Variants in MAPK8 observed in about 807,000 individuals in gnomAD.
MAPK8 encodes JUN N-terminal kinase.
Under a neutral mutation model 52.9 loss-of-function variants are expected in MAPK8, and 13 were observed. The observed-to-expected ratio is 0.25, with a 90% CI of 0.16 to 0.39. The LOEUF (loss-of-function observed/expected upper bound fraction) is 0.39, where lower values mean the gene tolerates loss of function less well. MAPK8 is among the 10% of genes least tolerant of loss of function. The pLI, the probability that MAPK8 is intolerant of heterozygous loss-of-function variation, is 1.00. For missense variants in MAPK8, 300 were observed against 519.2 expected (o/e 0.58, Z 4.10); for synonymous variants, 191 against 169.8 (o/e 1.12, Z -0.97).
intron 2 of MAPK8, among the ~76,000 whole-genome samples, chr10:48,404,457 C>G (rs191850265): frequency 3.9e-5 from 6 of 152,220 alleles, no homozygotes; most frequent in Admixed American, 6.5e-5. Flanking sequence ...CACCCAGCCT[C>G]GTATGCATTC....
At chr10:48,336,899 G>C (rs1844741981) in intron 1 of MAPK8, among the ~76,000 whole-genome samples, 1 of 152,074 alleles carries the variant, frequency 6.6e-6, no homozygotes, top group Non-Finnish European at 1.5e-5. Context: ...ATTATATAAT[G>C]ACAAAGGATT....
At chr10:48,424,437 G>T (rs2043549309) in intron 7 of MAPK8, 2 of 917,618 alleles carry the variant, frequency 2.2e-6, no homozygotes, top group Non-Finnish European at 3.3e-6. Context: ...TACATGGTGT[G>T]TGTGATTTTA....
At chr10:48,426,546 TA>T (rs762632521) in intron 9 of MAPK8, 42 bp downstream of exon 9, 7 of 1,567,340 alleles carry the variant, frequency 4.5e-6, no homozygotes, top group Non-Finnish European at 6.1e-6. Context: ...ATTGCATTCT[TA>T]GAGTTAGAAT....
chr10:48,348,200 G>A (rs2132405531), intron 1 of MAPK8, among the ~76,000 whole-genome samples: 1 of 152,340 alleles, frequency 6.6e-6, no homozygotes, highest in African/African-American at 2.4e-5. Flanking sequence ...CTTTTGAGAA[G>A]TGTCTGTTCA....
At chr10:48,320,763 G>T (rs1454822971) in intron 1 of MAPK8, among the ~76,000 whole-genome samples, 1 of 152,100 alleles carries the variant, frequency 6.6e-6, no homozygotes, top group East Asian at 1.9e-4. Context: ...TGGGTCATAT[G>T]GGTAACTCTA....
chr10:48,316,300 C>T (rs10776593), intron 1 of MAPK8, among the ~76,000 whole-genome samples: 1 of 152,118 alleles, frequency 6.6e-6, no homozygotes, highest in Non-Finnish European at 1.5e-5. Flanking sequence ...GTACAGTAAC[C>T]TGCTGTACAG....
chr10:48,409,299 T>C (rs183983655), intron 3 of MAPK8, among the ~76,000 whole-genome samples: 210 of 152,320 alleles, frequency 1.4e-3, no homozygotes, highest in African/African-American at 4.6e-3. Flanking sequence ...CCCTGAGCCT[T>C]CTTTTGTAAA....
intron 1 of MAPK8, among the ~76,000 whole-genome samples, chr10:48,375,830 T>A (rs1384160153): frequency 6.6e-6 from 1 of 152,192 alleles, no homozygotes; most frequent in Non-Finnish European, 1.5e-5. Context: ...AATTTGTAGA[T>A]TCATTGATAT....
At chr10:48,368,073 T>C (rs1429534134) in intron 1 of MAPK8, among the ~76,000 whole-genome samples, 1 of 151,980 alleles carries the variant, frequency 6.6e-6, no homozygotes, top group Non-Finnish European at 1.5e-5. Flanking sequence ...AGAGAAGAAA[T>C]GAGATTGAAG....
chr10:48,418,064 C>T (rs1204787587), intron 5 of MAPK8, among the ~76,000 whole-genome samples: 1 of 152,212 alleles, frequency 6.6e-6, no homozygotes, highest in African/African-American at 2.4e-5. Flanking sequence ...GTGATCTGTA[C>T]TTGAATGAGC....
intron 3 of MAPK8, among the ~76,000 whole-genome samples, chr10:48,406,176 GAATGACGTAAA>G (rs555856965): frequency 2.0e-5 from 3 of 152,286 alleles, no homozygotes; most frequent in African/African-American, 7.2e-5. Flanking sequence ...CAGAGAGGAA[GAATGACGTAAA>G]AAAGGTCCAG....
At chr10:48,415,569 G>A (rs556017691) in intron 5 of MAPK8, among the ~76,000 whole-genome samples, 84 of 152,242 alleles carry the variant, frequency 5.5e-4, no homozygotes, top group Admixed American at 1.8e-3. Context: ...ACAAACATTC[G>A]TAGCTAACTT....
Position 48,306,816 on chromosome 10 carries a change from T to C in MAPK8, c.-55T>C, listed in dbSNP as rs1841365512. On this transcript the variant is annotated 5_prime_UTR_variant, in exon 1 of 12. Transcript: ENST00000374189. ...GCTTCCCTGTCGCCGTTCGCTGCGC[T>C]GCCGGGTGAGTGCGGCGGACGCCGC... is the stretch of plus-strand genomic sequence containing the variant. 2.0e-5 allele frequency: 3 copies of C among 151,610 alleles called. No homozygotes were observed. The South Asian group carries it at 6.2e-4, about 31-fold the overall frequency. The allele number at this position is 151,610 out of a possible 1,614,324, so 9.4% of individuals were successfully genotyped here.
chr10:48,347,549 C>T (rs1200090460), intron 1 of MAPK8, among the ~76,000 whole-genome samples: 1 of 152,188 alleles, frequency 6.6e-6, no homozygotes, highest in Non-Finnish European at 1.5e-5. Flanking sequence ...TCTGCCCTAG[C>T]TCCCCACCCC....
chr10:48,311,609 C>G (rs1285324335), intron 1 of MAPK8, among the ~76,000 whole-genome samples: 3 of 152,162 alleles, frequency 2.0e-5, no homozygotes, highest in African/African-American at 7.2e-5. Context: ...GCTGTCACAT[C>G]TTTTAAATTT....
At chr10:48,403,870 T>C (rs1489691778) in intron 2 of MAPK8, among the ~76,000 whole-genome samples, 1 of 151,082 alleles carries the variant, frequency 6.6e-6, no homozygotes, top group Admixed American at 6.6e-5. Flanking sequence ...CGCCTCAGCC[T>C]CCGGAGTAGC....
At chr10:48,412,739 G>T (rs1403214641) in intron 5 of MAPK8, among the ~76,000 whole-genome samples, 2 of 152,174 alleles carry the variant, frequency 1.3e-5, no homozygotes, top group Non-Finnish European at 2.9e-5. Flanking sequence ...CCAAAGACTA[G>T]TTAAAATGCT....
At chr10:48,355,726 A>G (rs981346740) in intron 1 of MAPK8, among the ~76,000 whole-genome samples, 3 of 152,170 alleles carry the variant, frequency 2.0e-5, no homozygotes, top group Non-Finnish European at 4.4e-5. Flanking sequence ...AATGGCTAAG[A>G]ATTTTCTGCA....
At chr10:48,329,775 G>A (rs779405797) in intron 1 of MAPK8, among the ~76,000 whole-genome samples, 2 of 152,066 alleles carry the variant, frequency 1.3e-5, no homozygotes, top group Non-Finnish European at 2.9e-5. Context: ...TTAACATAGG[G>A]TCCATTGCAT....
Sources: gnomAD v4.1 joint callset for allele counts (sites outside exome capture counted in the v4.1 genomes callset) on GRCh38, gnomAD v4.1.1 for gene constraint, MANE v1.5 for transcripts, NCBI Gene and HGNC (gene_info 2026-07-23, HGNC 2026-07-21) for gene names.